Variants in SLC9A5 observed in about 807,000 individuals in gnomAD.
The protein encoded by SLC9A5 is solute carrier family 9 member A5.
Under a neutral mutation model 91.7 loss-of-function variants are expected in SLC9A5, and 52 were observed. The ratio of observed to expected loss-of-function variants is 0.57; its 90% CI spans 0.45 to 0.71. SLC9A5 has a LOEUF of 0.71. SLC9A5 is among the 30% of genes least tolerant of loss of function. The pLI is 0.00. For missense variants in SLC9A5, 871 were observed against 1,158.9 expected (o/e 0.75, Z 3.61); for synonymous variants, 419 against 474.5 (o/e 0.88, Z 1.52).
chr16:67,250,259 T>C (rs1174112387), intron 1 of SLC9A5, among the ~76,000 whole-genome samples: 1 of 152,050 alleles, frequency 6.6e-6, no homozygotes, highest in Non-Finnish European at 1.5e-5. Flanking sequence ...TGGAACTCAA[T>C]ATGCCTTCCG....
At chr16:67,251,763 G>GT (rs1441689022) in intron 1 of SLC9A5, among the ~76,000 whole-genome samples, 10 of 151,966 alleles carry the variant, frequency 6.6e-5, no homozygotes, top group Non-Finnish European at 1.5e-5. Context: ...GATCATTATC[G>GT]TTTTTACTCC....
In SLC9A5 at chr16:67,249,061, C is replaced by G; in HGVS notation, c.47C>G (p.Ala16Gly). The G allele has an allele frequency of 6.6e-7, 1 of 1,508,646 alleles. No homozygotes were observed. The highest frequency in any genetic ancestry group is 8.8e-7 in the Non-Finnish European group (1 of 1,135,256). The allele number at this position is 1,508,646 out of a possible 1,614,324, so 93.5% of individuals were successfully genotyped here. A position where few individuals can be genotyped will look rare whatever the true frequency, so the allele number is the denominator to read the frequency against. Residue 16 changes from alanine (A) to glycine (G), a missense_variant, in exon 1 of 16, where the codon GCG becomes GGG. By Grantham distance (60) the Ala-to-Gly change is moderately conservative. This residue lies in a region of SLC9A5 where 122 missense variants were observed against 114.5 expected (regional missense o/e 1.07). Coordinates refer to ENST00000299798, the MANE Select transcript of SLC9A5 (RefSeq NM_004594.3). ...LSLLALPLAG[A>G]AEEPTQKPES... ...CTGCTCGCGCTGCCCCTGGCGGGGG[C>G]GGCCGAAGAGCCCACCCAGAAGCCA... is the stretch of plus-strand genomic sequence containing the variant.
At position 67,252,951 on chromosome 16, in the gene SLC9A5, C is replaced by T; in HGVS notation, c.490+107C>T. ...TGAGCCATGCCCTGAAAGCTCCATC[C>T]TAGGTCCCTCCCTCTGGAGTGCAAG... On this transcript the variant is annotated intron_variant, in intron 2 of 15. Transcript: ENST00000299798. The surrounding 1 kb of genome is among the most constrained non-coding windows in gnomAD (Gnocchi z 4.0). 9.6e-7 allele frequency: 1 copy of T among 1,040,094 alleles called. No homozygotes were observed. The highest frequency in any genetic ancestry group is 1.4e-6 in the Non-Finnish European group (1 of 729,940). The allele number at this position is 1,040,094 out of a possible 1,614,324, so 64.4% of individuals were successfully genotyped here.
At chr16:67,260,764 G>A (rs1179197340) in intron 12 of SLC9A5, among the ~76,000 whole-genome samples, 1 of 152,184 alleles carries the variant, frequency 6.6e-6, no homozygotes, top group Non-Finnish European at 1.5e-5. Context: ...TTTAAATAAT[G>A]GAAGTTAGTC....
Position 67,252,767 on chromosome 16 carries a change from A to G in SLC9A5, c.413A>G (p.Tyr138Cys). The change falls in exon 2 of 16, where the codon TAT (tyrosine) becomes TGT (cysteine). Residue 138 changes from tyrosine (Y) to cysteine (C), a missense_variant. Physicochemically the swap from Tyr to Cys is radical, Grantham distance 194. Around this residue, in one of 3 missense-constraint regions of SLC9A5, gnomAD observed 454 missense variants for 718.3 expected, o/e 0.63. Transcript: ENST00000299798. The surrounding 1 kb of genome is among the most constrained non-coding windows in gnomAD (Gnocchi z 4.0). ...GACAACTTGGGTGCCATCCTCACCT[A>G]TGCCGTGGTAGGCACACTCTGGAAT... Reference protein sequence around the residue: ...FFDNLGAILTYAVVGTLWNAF... With the variant: ...FFDNLGAILTCAVVGTLWNAF... The G allele has an allele frequency of 6.2e-7, 1 of 1,614,108 alleles. No individual in the cohort carries two copies. Among genetic ancestry groups the G allele is most frequent in the South Asian group, 1.1e-5 (1 of 91,082 alleles).
rs747872248 is a variant in SLC9A5 at position 67,256,734 on chromosome 16, C to A, written c.1132+45C>A. 6.8e-7 allele frequency: 1 copy of A among 1,479,012 alleles called. No individual in the cohort carries two copies. The highest frequency in any genetic ancestry group is 9.4e-7 in the Non-Finnish European group (1 of 1,062,176). 91.6% of individuals were successfully genotyped at this position (1,479,012 alleles called of 1,614,324 possible). On this transcript the variant is annotated intron_variant, in intron 6 of 15. Coordinates refer to ENST00000299798, the MANE Select transcript of SLC9A5 (RefSeq NM_004594.3). The surrounding 1 kb of genome is among the most constrained non-coding windows in gnomAD (Gnocchi z 4.1). ...CTTTCCCACTCTCCTTCCTGTCCCGCCCCTCCCTGCAGCTCATCTCCCTAT... is the reference window on the plus strand; with the variant it reads ...CTTTCCCACTCTCCTTCCTGTCCCGACCCTCCCTGCAGCTCATCTCCCTAT...
At chr16:67,262,642 A>G (rs1384889508) in intron 12 of SLC9A5, 1 of 236,158 alleles carries the variant, frequency 4.2e-6, no homozygotes, top group South Asian at 5.9e-5. Flanking sequence ...ACAGATCTGT[A>G]TCACTGGGAT....
intron 1 of SLC9A5, among the ~76,000 whole-genome samples, chr16:67,251,884 G>T (rs1417216088): frequency 1.3e-5 from 2 of 152,122 alleles, no homozygotes; most frequent in Non-Finnish European, 2.9e-5. Flanking sequence ...GATTTTTACA[G>T]CTTTCTTACA....
chr16:67,250,545 C>T (rs1256216400), intron 1 of SLC9A5, among the ~76,000 whole-genome samples: 1 of 152,128 alleles, frequency 6.6e-6, no homozygotes, highest in Non-Finnish European at 1.5e-5. Context: ...TAGTTTTCCC[C>T]ATAAATCATG....
At chr16:67,269,871 A>G (rs1033953925) in intron 15 of SLC9A5, among the ~76,000 whole-genome samples, 2 of 152,248 alleles carry the variant, frequency 1.3e-5, no homozygotes, top group South Asian at 2.1e-4. Context: ...TTCTTAGCTC[A>G]GGTCCCCTAT....
At position 67,271,449 on chromosome 16, in the gene SLC9A5, C is replaced by T; in HGVS notation, c.*239C>T. 2 of 566,208 alleles carry T rather than the reference C, an allele frequency of 3.5e-6. No individual in the cohort carries two copies. The highest frequency in any genetic ancestry group is 2.2e-5 in the South Asian group (1 of 45,748). The allele number at this position is 566,208 out of a possible 1,614,324, so 35.1% of individuals were successfully genotyped here. ...TTTCATTAAGGCCTCTACTCTGGCTCAGGACCCAGTCCAGGCCTTCTACGG... is the reference window on the plus strand; with the variant it reads ...TTTCATTAAGGCCTCTACTCTGGCTTAGGACCCAGTCCAGGCCTTCTACGG... On this transcript the variant is annotated 3_prime_UTR_variant, in exon 16 of 16. Transcript: ENST00000299798.
At position 67,257,539 on chromosome 16, in the gene SLC9A5, C is replaced by T. The variant is rs934610437; in HGVS notation, c.1434C>T (p.Asp478=). The change falls in exon 9 of 16, where the codon GAC becomes GAT. Residue 478 remains aspartate, a synonymous_variant. Transcript: ENST00000299798. This position sits in a 1 kb window ranked among gnomAD's most constrained non-coding sequence, Gnocchi z 5.1. ...ACCCACCCCCCTTCTAGACTTTTGA[C>T]CACATTCTGGCTGCAGTGGAGGACG... The part of the protein sequence containing the change: ...LNQELHEHTF[D]HILAAVEDVV... 1 of 1,614,090 alleles carries T rather than the reference C, an allele frequency of 6.2e-7. No individual in the cohort carries two copies. Among genetic ancestry groups the T allele is most frequent in the Non-Finnish European group, 8.5e-7 (1 of 1,179,996 alleles).
intron 12 of SLC9A5, chr16:67,263,838 T>C (rs971557247): frequency 1.3e-5 from 2 of 157,234 alleles, no homozygotes; most frequent in African/African-American, 4.8e-5. Context: ...TTATTGGGAC[T>C]GAGAAGGTCC....
At chr16:67,250,870 C>T (rs150908764) in intron 1 of SLC9A5, among the ~76,000 whole-genome samples, 3 of 152,196 alleles carry the variant, frequency 2.0e-5, no homozygotes, top group Non-Finnish European at 4.4e-5. Flanking sequence ...GAGATGTGTT[C>T]GCTTGTGGTC....
intron 1 of SLC9A5, among the ~76,000 whole-genome samples, chr16:67,250,642 G>A (rs968322296): frequency 1.3e-5 from 2 of 152,198 alleles, no homozygotes; most frequent in African/African-American, 4.8e-5. Flanking sequence ...CCTCGAACAA[G>A]AGAAAAGGCA....
rs376363839 is a variant in SLC9A5 at position 67,255,704 on chromosome 16, G to A, written c.734-49G>A. The A allele has an allele frequency of 3.2e-5, 49 of 1,518,292 alleles. 1 individual carries two copies. The African/African-American group carries it at 5.4e-4, about 17-fold the overall frequency. 94.1% of individuals were successfully genotyped at this position (1,518,292 alleles called of 1,614,324 possible). A position where few individuals can be genotyped will look rare whatever the true frequency, so the allele number is the denominator to read the frequency against. On this transcript the variant is annotated intron_variant, in intron 4 of 15. Coordinates refer to ENST00000299798, the MANE Select transcript of SLC9A5 (RefSeq NM_004594.3). The surrounding 1 kb of genome is among the most constrained non-coding windows in gnomAD (Gnocchi z 4.9). ...TGCCAGGCAGCAGTCTTGTCAGCCC[G>A]GGTAGGGTCCGGGCCAGGGGTCATG...
intron 15 of SLC9A5, among the ~76,000 whole-genome samples, chr16:67,268,674 A>ATG (rs2035808033): frequency 1.7e-5 from 1 of 58,658 alleles, no homozygotes; most frequent in Admixed American, 1.5e-4. Flanking sequence ...ATATATATAT[A>ATG]TATATATATA....
chr16:67,262,620 T>A lies in SLC9A5; in HGVS notation c.1843-1732T>A. The stretch of plus-strand genomic sequence containing the variant: ...CAAATGCAGCTGGTCTGATGACTGA[T>A]GTTGGGGGACCACAGATCTGTATCA... On this transcript the variant is annotated intron_variant, in intron 12 of 15. Transcript: ENST00000299798. 1.5e-5 allele frequency: 4 copies of A among 268,934 alleles called. No individual in the cohort carries two copies. In the South Asian group the frequency reaches 1.7e-4, roughly 11 times the overall value. The allele number at this position is 268,934 out of a possible 1,614,324, so 16.7% of individuals were successfully genotyped here. A position where few individuals can be genotyped will look rare whatever the true frequency, so the allele number is the denominator to read the frequency against.
At chr16:67,249,780 A>G (rs2035042925) in intron 1 of SLC9A5, among the ~76,000 whole-genome samples, 1 of 152,134 alleles carries the variant, frequency 6.6e-6, no homozygotes, top group Non-Finnish European at 1.5e-5. Flanking sequence ...TCAGGTCCAC[A>G]TTCTTCTCAC....
Sources: gnomAD v4.1 joint callset for allele counts (sites outside exome capture counted in the v4.1 genomes callset) on GRCh38, gnomAD v4.1.1 for gene constraint, gnomAD v4.1.1 regional missense constraint, Gnocchi (gnomAD v3.1) non-coding constraint, MANE v1.5 for transcripts, NCBI Gene and HGNC (gene_info 2026-07-23, HGNC 2026-07-21) for gene names.